Variants in FCER1A observed in about 807,000 individuals in gnomAD.
The protein encoded by FCER1A is Fc epsilon receptor Ia, also known as high affinity immunoglobulin epsilon receptor subunit alpha.
FCER1A carries 24 observed loss-of-function variants against 23.6 expected under a neutral mutation model. The observed-to-expected ratio is 1.02, with a 90% confidence interval of 0.74 to 1.43. FCER1A has a LOEUF of 1.43. Ranked by LOEUF, FCER1A falls within the 40% of genes most tolerant of loss-of-function variation. FCER1A has a pLI of 0.00. For synonymous variants in FCER1A, 121 were observed against 108.8 expected (o/e 1.11, Z -0.70); for missense variants, 318 against 294.5 (o/e 1.08, Z -0.58).
chr1:159,294,426 C>T (rs913948034), intron 1 of FCER1A, among the ~76,000 whole-genome samples: 6 of 152,172 alleles, frequency 3.9e-5, no homozygotes, highest in African/African-American at 1.2e-4. Context: ...CTATCTCGTA[C>T]TTTAAGTCTC....
At chr1:159,290,987 T>G (rs1571074766) in intron 1 of FCER1A, among the ~76,000 whole-genome samples, 1 of 152,226 alleles carries the variant, frequency 6.6e-6, no homozygotes, top group Non-Finnish European at 1.5e-5. Context: ...TTTTCTGTAA[T>G]GCAAATTAGT....
chr1:159,288,132 A>G (rs1652061868), upstream of FCER1A, among the ~76,000 whole-genome samples: 2 of 152,234 alleles, frequency 1.3e-5, no homozygotes. Context: ...TGAATTGCTT[A>G]CATTCACCAG....
At chr1:159,305,939 C>T (rs1486016309) in intron 3 of FCER1A, 49 bp from the exon 4 acceptor site, 1 of 1,532,044 alleles carries the variant, frequency 6.5e-7, no homozygotes, top group East Asian at 2.3e-5. Flanking sequence ...TATTCATTCT[C>T]TCTCTCTTCA....
At position 159,302,845 on chromosome 1, in the gene FCER1A, C is replaced by T. The variant is rs749102254; in HGVS notation, c.56-9C>T. 1.2e-6 allele frequency: 2 copies of T among 1,613,458 alleles called. No individual in the cohort carries two copies. The highest frequency in any genetic ancestry group is 1.7e-6 in the Non-Finnish European group (2 of 1,179,378). ...TGGACACTAATGTATCCTCTCTGGA[C>T]TTTTGCAGCTCCAGATGGCGTGTTA... On this transcript the variant is annotated splice_polypyrimidine_tract_variant and intron_variant, in intron 1 of 4. Transcript: ENST00000693622.
At chr1:159,302,248 C>T (rs1652449389), upstream of FCER1A, 1 of 766,628 alleles carries the variant, frequency 1.3e-6, no homozygotes, top group Non-Finnish European at 2.3e-6. Context: ...CCAGGCACAG[C>T]TGATGGGTTA....
intron 1 of FCER1A, among the ~76,000 whole-genome samples, chr1:159,296,667 A>G (rs1652299628): frequency 6.6e-6 from 1 of 152,204 alleles, no homozygotes; most frequent in African/African-American, 2.4e-5. Context: ...GTGCAGAATC[A>G]GGCCAATTAT....
intron 1 of FCER1A, among the ~76,000 whole-genome samples, chr1:159,293,838 C>T (rs1018847726): frequency 2.9e-4 from 44 of 151,848 alleles, no homozygotes; most frequent in African/African-American, 9.7e-4. Flanking sequence ...GGCTAATATC[C>T]AGAATCTACA....
At chr1:159,287,167 G>T (rs1026368837), upstream of FCER1A, among the ~76,000 whole-genome samples, 7 of 152,150 alleles carry the variant, frequency 4.6e-5, no homozygotes, top group Non-Finnish European at 1.0e-4. Flanking sequence ...AAACCAAATT[G>T]CTTGTGGCTT....
upstream of FCER1A, among the ~76,000 whole-genome samples, chr1:159,300,704 AATAATG>A (rs1652409098): frequency 6.6e-6 from 1 of 152,202 alleles, no homozygotes; most frequent in South Asian, 2.1e-4. Context: ...GTCTTTAATA[AATAATG>A]ATAATAAAGA....
upstream of FCER1A, among the ~76,000 whole-genome samples, chr1:159,285,939 C>A (rs981970251): frequency 6.6e-6 from 1 of 152,104 alleles, no homozygotes; most frequent in Non-Finnish European, 1.5e-5. Flanking sequence ...AATCCCAGCA[C>A]TTTGGGAGGC....
At chr1:159,289,325 C>A (rs1029179602), upstream of FCER1A, among the ~76,000 whole-genome samples, 3 of 152,130 alleles carry the variant, frequency 2.0e-5, no homozygotes, top group Non-Finnish European at 2.9e-5. Flanking sequence ...ACCTTAGGAC[C>A]AAATTGTTCA....
At chr1:159,302,538 A>T in intron 1 of FCER1A, 119 bp downstream of exon 1, 2 of 808,692 alleles carry the variant, frequency 2.5e-6, no homozygotes, top group Non-Finnish European at 4.4e-6. Context: ...ACTATTGGGC[A>T]TTTCCCAGGG....
At chr1:159,286,565 C>T (rs562354470), upstream of FCER1A, among the ~76,000 whole-genome samples, 93 of 152,274 alleles carry the variant, frequency 6.1e-4, no homozygotes, top group Middle Eastern at 6.8e-3. Flanking sequence ...ATCTCCTGAC[C>T]TTGTGATCCG....
chr1:159,288,846 C>G (rs1409757565), upstream of FCER1A, among the ~76,000 whole-genome samples: 1 of 152,130 alleles, frequency 6.6e-6, no homozygotes, highest in Non-Finnish European at 1.5e-5. Flanking sequence ...ACAACAGGAG[C>G]CTCACAATTT....
chr1:159,306,235 T>C lies in FCER1A; in HGVS notation c.579T>C (p.Thr193=), dbSNP rs1333350885. The C allele has an allele frequency of 2.5e-6, 4 of 1,613,410 alleles. No homozygotes were observed. The highest frequency in any genetic ancestry group is 3.4e-6 in the Non-Finnish European group (4 of 1,179,772). The part of the protein sequence containing the change: ...LDYESEPLNI[T]VIKAPREKYW... ...ATGAGTCTGAGCCCCTCAACATTAC[T>C]GTAATAAAAGGTGAGTTGGTAAAGG... Residue 193 remains threonine (T), a synonymous_variant, in exon 4 of 5, where the codon ACT becomes ACC. Coordinates refer to ENST00000693622, the MANE Select transcript of FCER1A (RefSeq NM_001387280.1).
chr1:159,301,348 C>T (rs1652424619), upstream of FCER1A, among the ~76,000 whole-genome samples: 1 of 152,118 alleles, frequency 6.6e-6, no homozygotes, highest in South Asian at 2.1e-4. Context: ...AAGGTTGAGC[C>T]TTGACCTAGA....
intron 1 of FCER1A, among the ~76,000 whole-genome samples, chr1:159,292,971 C>A (rs1652193839): frequency 6.6e-6 from 1 of 151,824 alleles, no homozygotes; most frequent in African/African-American, 2.4e-5. Context: ...TGCAGAGAGT[C>A]CCCATTAAGA....
chr1:159,305,842 T>C, intron 3 of FCER1A, 146 bp from the exon 4 acceptor site: 1 of 704,020 alleles, frequency 1.4e-6, no homozygotes, highest in Admixed American at 2.9e-5. Flanking sequence ...TTTTGTGCCC[T>C]TTAAAAATCC....
chr1:159,293,143 G>T (rs1249043022), intron 1 of FCER1A, among the ~76,000 whole-genome samples: 2 of 150,742 alleles, frequency 1.3e-5, no homozygotes, highest in Non-Finnish European at 2.9e-5. Context: ...ACTGTATTAA[G>T]CAGGGGAATA....
Sources: gnomAD v4.1 joint callset for allele counts (sites outside exome capture counted in the v4.1 genomes callset) on GRCh38, gnomAD v4.1.1 for gene constraint, MANE v1.5 for transcripts, NCBI Gene and HGNC (gene_info 2026-07-23, HGNC 2026-07-21) for gene names.